The following MTUS2 variants were observed in gnomAD, a reference collection of about 807,000 sequenced individuals.
MTUS2 encodes the protein microtubule-associated tumor suppressor candidate 2.
In MTUS2, 40 loss-of-function variants were observed where a neutral mutation model predicts 114.1. That is an observed-to-expected ratio of 0.35 (90% CI 0.27 to 0.46). The LOEUF is 0.46. Among genes scored for constraint, MTUS2 ranks in the 20% least tolerant of loss-of-function variants. The pLI, the probability that MTUS2 is intolerant of heterozygous loss-of-function variation, is 1.00. For missense variants in MTUS2, 1,679 were observed against 1,705.4 expected (o/e 0.98, Z 0.27); for synonymous variants, 688 against 672.0 (o/e 1.02, Z -0.37).
intron 6 of MTUS2, among the ~76,000 whole-genome samples, chr13:29,311,833 T>C (rs1050517384): frequency 6.6e-6 from 1 of 152,198 alleles, no homozygotes; most frequent in African/African-American, 2.4e-5. Context: ...GGTAGTCTTA[T>C]TTAGCCTCCA....
chr13:29,411,102 C>T (rs1280951446), intron 8 of MTUS2, among the ~76,000 whole-genome samples: 2 of 152,138 alleles, frequency 1.3e-5, no homozygotes, highest in Non-Finnish European at 2.9e-5. Context: ...AAAGTGCTGG[C>T]TCATGCTCAC....
At chr13:29,423,260 A>G (rs553789508) in intron 8 of MTUS2, among the ~76,000 whole-genome samples, 10 of 152,226 alleles carry the variant, frequency 6.6e-5, no homozygotes, top group Non-Finnish European at 1.5e-4. Context: ...CATTTTGTCT[A>G]TGGGAAGGCT....
rs1185622617 is a variant in MTUS2 at position 29,389,241 on chromosome 13, GTA to G, written c.3117+29776_3117+29777del. Among the ~76,000 whole-genome samples, 56 of 96,134 alleles carry G rather than the reference GTA, an allele frequency of 5.8e-4. 3 individuals are homozygous for G. The highest frequency in any genetic ancestry group is 1.4e-3 in the African/African-American group (40 of 28,342). 63.1% of individuals were successfully genotyped at this position (96,134 alleles called of 152,430 possible). A position where few individuals can be genotyped will look rare whatever the true frequency, so the allele number is the denominator to read the frequency against. On this transcript the variant is annotated intron_variant, in intron 8 of 15. Transcript: ENST00000612955. ...TATATGTATGTATATATGTATGTGT[GTA>G]TATATATGTATACACATGTGTGTAT...
chr13:29,019,681 A>G (rs1442584832), intron 2 of MTUS2, among the ~76,000 whole-genome samples: 6 of 152,240 alleles, frequency 3.9e-5, no homozygotes, highest in Non-Finnish European at 2.9e-5. Context: ...GGTGATTTAT[A>G]TGTCCATGAG....
chr13:29,275,740 A>G (rs1463774458), intron 5 of MTUS2, among the ~76,000 whole-genome samples: 1 of 152,194 alleles, frequency 6.6e-6, no homozygotes, highest in East Asian at 1.9e-4. Flanking sequence ...CATTGTATAG[A>G]TGTACCACAT....
chr13:29,057,161 T>C (rs1222766367), intron 4 of MTUS2, among the ~76,000 whole-genome samples: 6 of 151,930 alleles, frequency 3.9e-5, no homozygotes, highest in Admixed American at 2.0e-4. Flanking sequence ...GGCCTAAGAG[T>C]GTGTTTGTTA....
intron 1 of MTUS2, among the ~76,000 whole-genome samples, chr13:28,838,589 A>T (rs1351231522): frequency 6.6e-6 from 1 of 152,078 alleles, no homozygotes; most frequent in Non-Finnish European, 1.5e-5. Context: ...TCCTGCATCC[A>T]TCTGCCCCCT....
intron 1 of MTUS2, among the ~76,000 whole-genome samples, chr13:28,830,538 A>C (rs1441320857): frequency 6.6e-6 from 1 of 152,180 alleles, no homozygotes; most frequent in African/African-American, 2.4e-5. Flanking sequence ...GCTCATCAAC[A>C]GATTTGAACT....
rs552839041 is a variant in MTUS2, at chr13:29,073,144, C to T, written c.2447-27629C>T. Among the ~76,000 whole-genome samples, 5 of 152,224 alleles carry T rather than the reference C, an allele frequency of 3.3e-5. No individual in the cohort carries two copies. The South Asian group carries it at 6.2e-4, about 19-fold the overall frequency. ...TGCAGTCACTTTCAATGATACAACACGACCCAAACAGAAGTGCAAATGCAG... is the reference window on the plus strand; with the variant it reads ...TGCAGTCACTTTCAATGATACAACATGACCCAAACAGAAGTGCAAATGCAG... On this transcript the variant is annotated intron_variant, in intron 4 of 15. Coordinates refer to ENST00000612955, the MANE Select transcript of MTUS2 (RefSeq NM_001033602.4).
intron 5 of MTUS2, among the ~76,000 whole-genome samples, chr13:29,270,830 C>G (rs1213360601): frequency 1.3e-5 from 2 of 152,164 alleles, no homozygotes; most frequent in African/African-American, 4.8e-5. Flanking sequence ...CACACAGCCA[C>G]CTGAGCAGAT....
At chr13:28,939,742 A>G (rs1413281307) in intron 2 of MTUS2, among the ~76,000 whole-genome samples, 1 of 151,182 alleles carries the variant, frequency 6.6e-6, no homozygotes, top group African/African-American at 2.4e-5. Flanking sequence ...AAAACAAACA[A>G]AAAAAAAACT....
intron 8 of MTUS2, among the ~76,000 whole-genome samples, chr13:29,389,042 G>A (rs1872829724): frequency 6.6e-6 from 1 of 151,896 alleles, no homozygotes; most frequent in Non-Finnish European, 1.5e-5. Flanking sequence ...GTGATAATCT[G>A]TAAACTCCGC....
At chr13:28,853,727 G>T (rs1876446022) in intron 2 of MTUS2, among the ~76,000 whole-genome samples, 1 of 152,180 alleles carries the variant, frequency 6.6e-6, no homozygotes, top group Non-Finnish European at 1.5e-5. Context: ...AAGTGCAAAT[G>T]AGCATCAAAG....
At chr13:29,486,897 G>A (rs1053611405) in intron 10 of MTUS2, among the ~76,000 whole-genome samples, 6 of 152,082 alleles carry the variant, frequency 3.9e-5, no homozygotes, top group Admixed American at 2.0e-4. Flanking sequence ...GGGAGAGGTC[G>A]TTTTAGACAA....
At chr13:28,949,401 G>A (rs114780170) in intron 2 of MTUS2, among the ~76,000 whole-genome samples, 2,471 of 152,148 alleles carry the variant, frequency 0.016, 71 homozygotes, top group African/African-American at 0.056. Flanking sequence ...CCATTACTTC[G>A]CCTATCTTGC....
chr13:29,427,328 C>A (rs1249764431), intron 8 of MTUS2, among the ~76,000 whole-genome samples: 1 of 152,098 alleles, frequency 6.6e-6, no homozygotes, highest in Non-Finnish European at 1.5e-5. Flanking sequence ...CTTTCTCAGT[C>A]AACAATGTAT....
intron 5 of MTUS2, chr13:29,242,511 T>G (rs889569443): frequency 6.2e-6 from 1 of 161,172 alleles, no homozygotes; most frequent in Non-Finnish European, 1.4e-5. Context: ...TAATAAATAT[T>G]TCAAAAACAC....
At position 29,477,375 on chromosome 13, in the gene MTUS2, T is replaced by A. The variant is rs151288690; in HGVS notation, c.3185-2775T>A. 4.5e-3 allele frequency among the ~76,000 whole-genome samples: 682 copies of A among 152,298 alleles called. 3 individuals carry two copies. The highest frequency in any genetic ancestry group is 7.2e-3 in the Non-Finnish European group (488 of 68,020). On this transcript the variant is annotated intron_variant, in intron 9 of 15. Transcript: ENST00000612955. ...AGCTTTGTTCGCTAGCTCAACTCCC[T>A]GGTGGAATCCTGATTACTTTTTCTT... is the stretch of plus-strand genomic sequence containing the variant.
At chr13:28,934,379 C>T (rs769363854) in intron 2 of MTUS2, among the ~76,000 whole-genome samples, 3 of 152,142 alleles carry the variant, frequency 2.0e-5, no homozygotes, top group Non-Finnish European at 2.9e-5. Context: ...CTCACTGTTA[C>T]ATAAATAAGT....
Sources: gnomAD v4.1 joint callset for allele counts (sites outside exome capture counted in the v4.1 genomes callset) on GRCh38, gnomAD v4.1.1 for gene constraint, MANE v1.5 for transcripts, NCBI Gene and HGNC (gene_info 2026-07-23, HGNC 2026-07-21) for gene names.